The following TMCC2 variants were observed in gnomAD, a reference collection of about 807,000 sequenced individuals.
The protein encoded by TMCC2 is transmembrane and coiled-coil domains protein 2.
Under a neutral mutation model 49.4 loss-of-function variants are expected in TMCC2, and 16 were observed. That is an observed-to-expected ratio of 0.32 (90% confidence interval 0.22 to 0.49). The LOEUF is 0.49. TMCC2 is among the 20% of genes least tolerant of loss of function. The pLI, the probability that TMCC2 is intolerant of heterozygous loss-of-function variation, is 0.99. For missense variants in TMCC2, 762 were observed against 989.8 expected, an observed-to-expected ratio of 0.77 and a Z score of 3.09; for synonymous variants, 397 against 434.1, an observed-to-expected ratio of 0.91 and a Z score of 1.06.
At chr1:205,256,547 C>G (rs1412575102) in intron 2 of TMCC2, 5 of 961,024 alleles carry the variant, frequency 5.2e-6, no homozygotes, top group Admixed American at 2.0e-5. Context: ...GGGACAGGAT[C>G]TCAGGGCAGA....
chr1:205,271,352 C>T lies in TMCC2; in HGVS notation c.1818+97C>T, dbSNP rs1034979592. The T allele has an allele frequency of 5.6e-6, 9 of 1,596,580 alleles. No individual in the cohort carries two copies. In the African/African-American group the frequency reaches 1.1e-4, roughly 19 times the overall value. On this transcript the variant is annotated intron_variant, in intron 4 of 4. Coordinates refer to ENST00000358024, the MANE Select transcript of TMCC2 (RefSeq NM_014858.4). Reference sequence around the variant, plus strand: ...CTTGTCACGTGGGGCATGATAGACACAGGCTGGCCTGTTGGCCGGGGCCGA... The same window carrying T: ...CTTGTCACGTGGGGCATGATAGACATAGGCTGGCCTGTTGGCCGGGGCCGA...
intron 1 of TMCC2, among the ~76,000 whole-genome samples, chr1:205,238,368 G>C (rs1301856116): frequency 6.6e-6 from 1 of 152,084 alleles, no homozygotes; most frequent in East Asian, 1.9e-4. Flanking sequence ...TTATCAGTGA[G>C]GAAAAACCCC....
intron 1 of TMCC2, among the ~76,000 whole-genome samples, chr1:205,239,473 C>T (rs1041412815): frequency 3.9e-5 from 6 of 152,210 alleles, no homozygotes; most frequent in Admixed American, 1.3e-4. Flanking sequence ...GATGGTAACT[C>T]CTGTGGGAAA....
rs151136792 is a variant in TMCC2, at chr1:205,260,875, C to T, written c.748-8075C>T. On this transcript the variant is annotated intron_variant, in intron 2 of 4. Transcript: ENST00000358024. ...ACCGGCACTTTGTTTCTTTCATGGC[C>T]GAATAGTATTTCATTGCAAGAAATG... 9.7e-4 allele frequency among the ~76,000 whole-genome samples: 148 copies of T among 152,262 alleles called. 2 individuals are homozygous for T. The highest frequency in any genetic ancestry group is 3.4e-3 in the African/African-American group (140 of 41,542).
rs949529527 is a variant in TMCC2 at position 205,268,993 on chromosome 1, A to G, written c.791A>G (p.His264Arg). 6.2e-7 allele frequency: 1 copy of G among 1,613,210 alleles called. No homozygotes were observed. The highest frequency in any genetic ancestry group is 1.3e-5 in the African/African-American group (1 of 75,016). Residue 264 changes from histidine to arginine, a missense_variant, in exon 3 of 5, where the codon CAT (histidine) becomes CGT (arginine). Physicochemically the swap from His to Arg is conservative, Grantham distance 29. Transcript: ENST00000358024. ...GTGGCCCTGAGCCTCCCCGCCGGCCATGGTGACACCGACGGCCCCATCAGC... is the reference window on the plus strand; with the variant it reads ...GTGGCCCTGAGCCTCCCCGCCGGCCGTGGTGACACCGACGGCCCCATCAGC... Reference protein sequence around the residue: ...DLVALSLPAGHGDTDGPISLD... With the variant: ...DLVALSLPAGRGDTDGPISLD...
intron 3 of TMCC2, among the ~76,000 whole-genome samples, chr1:205,270,623 C>T (rs2102617945): frequency 1.3e-5 from 2 of 152,320 alleles, no homozygotes; most frequent in Middle Eastern, 6.8e-3. Flanking sequence ...GGAGCCCCAC[C>T]TAAAAGCTAA....
chr1:205,246,700 A>G (rs201216107), intron 2 of TMCC2: 79 of 1,549,770 alleles, frequency 5.1e-5, no homozygotes, highest in Non-Finnish European at 6.6e-5. Flanking sequence ...GGGTGAGTCA[A>G]TGAATACATT....
intron 1 of TMCC2, among the ~76,000 whole-genome samples, chr1:205,234,955 G>A (rs893769176): frequency 6.6e-6 from 1 of 152,088 alleles, no homozygotes; most frequent in African/African-American, 2.4e-5. Flanking sequence ...CACTGCGCAC[G>A]GCCTAGAGCA....
chr1:205,228,792 C>T, intron 1 of TMCC2, 21 bp downstream of exon 1: 1 of 1,570,642 alleles, frequency 6.4e-7, no homozygotes, highest in Admixed American at 1.8e-5. Context: ...ACCATCCCCC[C>T]GGCAAGCCCA....
At chr1:205,230,412 G>T (rs1323608344) in intron 1 of TMCC2, among the ~76,000 whole-genome samples, 1 of 152,174 alleles carries the variant, frequency 6.6e-6, no homozygotes, top group African/African-American at 2.4e-5. Context: ...GGCCCAGGGA[G>T]TCCTTGGTGT....
intron 2 of TMCC2, chr1:205,256,243 T>C: frequency 2.0e-6 from 3 of 1,522,386 alleles, no homozygotes; most frequent in Non-Finnish European, 2.6e-6. Flanking sequence ...ACAGTTCTGC[T>C]GTGAGAAGCT....
Position 205,241,898 on chromosome 1 carries a change from G to A in TMCC2, c.601G>A (p.Ala201Thr). The A allele has an allele frequency of 6.2e-7, 1 of 1,608,652 alleles. No homozygotes were observed. The highest frequency in any genetic ancestry group is 8.5e-7 in the Non-Finnish European group (1 of 1,178,960). The change falls in exon 2 of 5, where the codon GCC becomes ACC. Residue 201 changes from alanine (A) to threonine (T), a missense_variant. Around this residue, in one of 2 missense-constraint regions of TMCC2, gnomAD observed 322 missense variants for 353.1 expected, o/e 0.91. Coordinates refer to ENST00000358024, the MANE Select transcript of TMCC2 (RefSeq NM_014858.4). This position sits in a 1 kb window ranked among gnomAD's most constrained non-coding sequence, Gnocchi z 7.3. Reference sequence around the variant, plus strand: ...TGGCAGCCCTCACCTGCTGCGCAAGGCCCCCCAGGACAGCAGCCTGGCCGC... The same window carrying A: ...TGGCAGCCCTCACCTGCTGCGCAAGACCCCCCAGGACAGCAGCCTGGCCGC... ...QRGSPHLLRK[A>T]PQDSSLAAIL...
At chr1:205,266,189 C>T (rs1326193298) in intron 2 of TMCC2, among the ~76,000 whole-genome samples, 1 of 138,916 alleles carries the variant, frequency 7.2e-6, no homozygotes, top group East Asian at 2.1e-4. Context: ...TGCAGTGAGC[C>T]AAGATTGCGC....
At chr1:205,242,113 C>A (rs1660296957) in intron 2 of TMCC2, 69 bp downstream of exon 2, 1 of 1,477,302 alleles carries the variant, frequency 6.8e-7, no homozygotes, top group Non-Finnish European at 9.0e-7. Context: ...GCCTTGAGAC[C>A]TGGGGAGCTG....
Position 205,269,075 on chromosome 1 carries a change from C to T in TMCC2, c.873C>T (p.His291=), listed in dbSNP as rs1326815855. 4 of 1,613,924 alleles carry T rather than the reference C, an allele frequency of 2.5e-6. No homozygotes were observed. The highest frequency in any genetic ancestry group is 3.4e-6 in the Non-Finnish European group (4 of 1,180,030). Residue 291 remains histidine, a synonymous_variant, in exon 3 of 5, where the codon CAC becomes CAT. Transcript: ENST00000358024. ...AGCGGACCAAGGCCGCCATTGACCACCTGCACCAGAAGATCCTGAAGATCA... is the reference window on the plus strand; with the variant it reads ...AGCGGACCAAGGCCGCCATTGACCATCTGCACCAGAAGATCCTGAAGATCA... ...DPQRTKAAID[H]LHQKILKITE...
rs73083143 is a variant in TMCC2, at chr1:205,243,998, G to A, written c.747+1954G>A. Among the ~76,000 whole-genome samples, 981 of 152,364 alleles carry A rather than the reference G, an allele frequency of 6.4e-3. 13 individuals are homozygous for A. Among genetic ancestry groups the A allele is most frequent in the African/African-American group, 0.023 (947 of 41,574 alleles). On this transcript the variant is annotated intron_variant, in intron 2 of 4. Coordinates refer to ENST00000358024, the MANE Select transcript of TMCC2 (RefSeq NM_014858.4). Reference sequence around the variant, plus strand: ...AAGCAAAAGGAAAATGAGCTTGAAGGAGGAGGAAGTAATCAGAGTGAAATG... The same window carrying A: ...AAGCAAAAGGAAAATGAGCTTGAAGAAGGAGGAAGTAATCAGAGTGAAATG...
rs565504393 is a variant in TMCC2, at chr1:205,237,842, A to G, written c.208-3663A>G. ...GATGGGGCTCTTCCTGCCCTTTCAG[A>G]TAGTTCCAGGGGAGGGACAGCCAAC... On this transcript the variant is annotated intron_variant, in intron 1 of 4. Coordinates refer to ENST00000358024, the MANE Select transcript of TMCC2 (RefSeq NM_014858.4). 6.6e-5 allele frequency among the ~76,000 whole-genome samples: 10 copies of G among 152,276 alleles called. No homozygotes were observed. The East Asian group carries it at 1.9e-3, about 29-fold the overall frequency.
chr1:205,259,725 G>A (rs1574858197), intron 2 of TMCC2, among the ~76,000 whole-genome samples: 1 of 152,220 alleles, frequency 6.6e-6, no homozygotes, highest in Admixed American at 6.5e-5. Flanking sequence ...GAAGTTCCAC[G>A]GGAGCCAGGG....
chr1:205,237,244 C>T (rs1660089239), intron 1 of TMCC2, among the ~76,000 whole-genome samples: 1 of 152,106 alleles, frequency 6.6e-6, no homozygotes, highest in Non-Finnish European at 1.5e-5. Flanking sequence ...TTCTTAAGGG[C>T]AATTGGAGAC....
Sources: allele counts gnomAD v4.1 joint callset (sites outside exome capture counted in the v4.1 genomes callset), GRCh38; gene constraint gnomAD v4.1.1; regional missense constraint gnomAD v4.1.1; non-coding constraint Gnocchi (gnomAD v3.1); transcripts MANE v1.5; gene names NCBI Gene and HGNC (gene_info 2026-07-23, HGNC 2026-07-21).